SRCIN1: variants seen among roughly 807,000 people sequenced by gnomAD.
SRCIN1 encodes the protein P130Cas-associated protein.
SRCIN1 carries 50 observed loss-of-function variants against 116.2 expected under a neutral mutation model. The ratio of observed to expected loss-of-function variants is 0.43; its 90% CI spans 0.34 to 0.54. The LOEUF (loss-of-function observed/expected upper bound fraction) is 0.54, where lower values mean the gene tolerates loss of function less well. Among genes scored for constraint, SRCIN1 ranks in the 20% least tolerant of loss-of-function variants. SRCIN1 has a pLI of 0.02. For missense variants in SRCIN1, 1,446 were observed against 1,672.0 expected (o/e 0.86, Z 2.36); for synonymous variants, 736 against 750.0 (o/e 0.98, Z 0.30).
chr17:38,580,853 G>T (rs974596048), intron 1 of SRCIN1, among the ~76,000 whole-genome samples: 14 of 152,046 alleles, frequency 9.2e-5, no homozygotes, highest in Non-Finnish European at 1.8e-4. Flanking sequence ...CTTTTTCTGG[G>T]GGGACAGGGT....
intron 17 of SRCIN1, among the ~76,000 whole-genome samples, chr17:38,546,161 G>C (rs1216901644): frequency 6.6e-6 from 1 of 152,224 alleles, no homozygotes; most frequent in Non-Finnish European, 1.5e-5. Flanking sequence ...AGTGAATCCT[G>C]GTCTAACTCT....
chr17:38,550,304 C>T (rs561412780), intron 15 of SRCIN1, among the ~76,000 whole-genome samples: 60 of 152,168 alleles, frequency 3.9e-4, no homozygotes, highest in African/African-American at 1.3e-3. Flanking sequence ...ACCATCCTGG[C>T]TAACACGGTG....
intron 2 of SRCIN1, among the ~76,000 whole-genome samples, chr17:38,570,805 C>G (rs1316431684): frequency 6.6e-6 from 1 of 152,214 alleles, no homozygotes; most frequent in African/African-American, 2.4e-5. Flanking sequence ...AGGGAGAGGA[C>G]TGGGTGGCAT....
chr17:38,605,604 G>A, intron 1 of SRCIN1, 80 bp downstream of exon 1: 2 of 1,228,666 alleles, frequency 1.6e-6, no homozygotes, highest in Non-Finnish European at 2.1e-6. Flanking sequence ...CCGGCCGAGG[G>A]GGAAAACACA....
intron 7 of SRCIN1, among the ~76,000 whole-genome samples, chr17:38,560,760 G>A (rs1246437276): frequency 1.3e-5 from 2 of 152,212 alleles, no homozygotes; most frequent in Non-Finnish European, 2.9e-5. Context: ...AAGGGAAGTG[G>A]AGGTATGCTG....
rs1906408076 is a variant in SRCIN1 at position 38,563,273 on chromosome 17, G to A, written c.740+50C>T. ...GGCCGGCGGGGTCCAGCACCCTGCA[G>A]AGGAGGAGCGTGGGGAAGCCCACCC... On this transcript the variant is annotated intron_variant, in intron 5 of 18. Coordinates refer to ENST00000617146, the MANE Select transcript of SRCIN1 (RefSeq NM_025248.3). This position sits in a 1 kb window ranked among gnomAD's most constrained non-coding sequence, Gnocchi z 5.8. 2 of 1,547,046 alleles carry A rather than the reference G, an allele frequency of 1.3e-6. No homozygotes were observed. Among genetic ancestry groups the A allele is most frequent in the Admixed American group, 3.9e-5 (2 of 51,148 alleles).
rs1016056412 is a variant in SRCIN1 at position 38,585,407 on chromosome 17, T to A, written c.23-6616A>T. Among the ~76,000 whole-genome samples, 1 of 152,218 alleles carries A rather than the reference T, an allele frequency of 6.6e-6. No homozygotes were observed. The highest frequency in any genetic ancestry group is 1.5e-5 in the Non-Finnish European group (1 of 68,044). On this transcript the variant is annotated intron_variant, in intron 1 of 18. Coordinates refer to ENST00000617146, the MANE Select transcript of SRCIN1 (RefSeq NM_025248.3). The surrounding 1 kb of genome is among the most constrained non-coding windows in gnomAD (Gnocchi z 4.2). ...TGATGACTCCATCCTGCTGGGTGCC[T>A]GCTGCAGTCGGGAAGCACACGGTGT...
At position 38,578,613 on chromosome 17, in the gene SRCIN1, C is replaced by T. The variant is rs1051123653; in HGVS notation, c.201G>A (p.Ala67=). Residue 67 remains alanine, a synonymous_variant, in exon 2 of 19, where the codon GCG becomes GCA. Coordinates refer to ENST00000617146, the MANE Select transcript of SRCIN1 (RefSeq NM_025248.3). ...CGTCCGCCTTCTGGAGCCCGCTGAG[C>T]GCCTCCAGACTCTGGGCCGCGATCA... is the stretch of plus-strand genomic sequence containing the variant. ...HTVIAAQSLE[A]LSGLQKADAD... The T allele has an allele frequency of 6.2e-7, 1 of 1,609,412 alleles. No homozygotes were observed.
At chr17:38,554,821 A>G (rs1303987462) in intron 11 of SRCIN1, among the ~76,000 whole-genome samples, 1 of 152,162 alleles carries the variant, frequency 6.6e-6, no homozygotes, top group Non-Finnish European at 1.5e-5. Context: ...GACTTTATAT[A>G]TATTCCTGTC....
chr17:38,583,417 C>T (rs955874221), intron 1 of SRCIN1, among the ~76,000 whole-genome samples: 1 of 152,158 alleles, frequency 6.6e-6, no homozygotes, highest in African/African-American at 2.4e-5. Context: ...CAAATATCTT[C>T]CCTCTCTGAG....
chr17:38,533,055 A>G lies in SRCIN1; in HGVS notation c.*242T>C, dbSNP rs1377721275. The G allele has an allele frequency of 2.6e-5, 9 of 350,260 alleles. No homozygotes were observed. Among genetic ancestry groups the G allele is most frequent in the African/African-American group, 4.4e-5 (2 of 45,168 alleles). 21.7% of individuals were successfully genotyped at this position (350,260 alleles called of 1,614,324 possible). On this transcript the variant is annotated 3_prime_UTR_variant, in exon 19 of 19. Transcript: ENST00000617146. Reference sequence around the variant, plus strand: ...AAGGAAGGTGGTGTGTTTGGTTTTTAGTTTTACTGTTTAAAAAAAGATAAT... The same window carrying G: ...AAGGAAGGTGGTGTGTTTGGTTTTTGGTTTTACTGTTTAAAAAAAGATAAT...
chr17:38,540,196 A>G (rs961582668), intron 18 of SRCIN1, among the ~76,000 whole-genome samples: 10 of 151,966 alleles, frequency 6.6e-5, no homozygotes, highest in African/African-American at 2.4e-4. Flanking sequence ...CTGGGATCTT[A>G]AGCACAACAT....
intron 2 of SRCIN1, among the ~76,000 whole-genome samples, chr17:38,578,288 C>G (rs1366781501): frequency 6.6e-6 from 1 of 152,218 alleles, no homozygotes; most frequent in East Asian, 1.9e-4. Flanking sequence ...CCCCCACCCC[C>G]TTCCTCCCCA....
chr17:38,554,253 T>A (rs996012372), intron 11 of SRCIN1, among the ~76,000 whole-genome samples: 3 of 149,240 alleles, frequency 2.0e-5, no homozygotes, highest in Non-Finnish European at 4.5e-5. Context: ...GGCCATCAGG[T>A]GGATTGGATG....
At chr17:38,588,701 A>G (rs1333468607) in intron 1 of SRCIN1, among the ~76,000 whole-genome samples, 1 of 152,134 alleles carries the variant, frequency 6.6e-6, no homozygotes, top group Non-Finnish European at 1.5e-5. Context: ...GCCCAGGGGG[A>G]AGCATATTGT....
rs115656100 is a variant in SRCIN1, at chr17:38,547,945, C to T, written c.3270+612G>A. 9.0e-3 allele frequency: 1,787 copies of T among 199,406 alleles called. 41 individuals are homozygous for T. The highest frequency in any genetic ancestry group is 0.04 in the African/African-American group (1,672 of 41,626). The allele number at this position is 199,406 out of a possible 1,614,324, so 12.4% of individuals were successfully genotyped here. A position where few individuals can be genotyped will look rare whatever the true frequency, so the allele number is the denominator to read the frequency against. ...GCACTAGGGAGGATGGGGGTGCTGG[C>T]CTGTGGCCCCGGCACCCTTGGGGAG... is the stretch of plus-strand genomic sequence containing the variant. On this transcript the variant is annotated intron_variant, in intron 17 of 18. Coordinates refer to ENST00000617146, the MANE Select transcript of SRCIN1 (RefSeq NM_025248.3).
At chr17:38,541,037 A>G (rs1904704900) in intron 18 of SRCIN1, among the ~76,000 whole-genome samples, 1 of 152,036 alleles carries the variant, frequency 6.6e-6, no homozygotes, top group Non-Finnish European at 1.5e-5. Flanking sequence ...CAGGAGTTCA[A>G]GACCAGTCTG....
At position 38,605,681 on chromosome 17, in the gene SRCIN1, T is replaced by A; in HGVS notation, c.22+3A>T. The A allele has an allele frequency of 7.0e-6, 9 of 1,280,952 alleles. No individual in the cohort carries two copies. Among genetic ancestry groups the A allele is most frequent in the Non-Finnish European group, 9.0e-6 (9 of 1,002,732 alleles). The allele number at this position is 1,280,952 out of a possible 1,614,324, so 79.3% of individuals were successfully genotyped here. ...ATTAGGGAGGAGAGAGACAGGGACATGCCTTGGGACGGAGCGTTCCCCATC... is the reference window on the plus strand; with the variant it reads ...ATTAGGGAGGAGAGAGACAGGGACAAGCCTTGGGACGGAGCGTTCCCCATC... On this transcript the variant is annotated splice_donor_region_variant and intron_variant, in intron 1 of 18. Coordinates refer to ENST00000617146, the MANE Select transcript of SRCIN1 (RefSeq NM_025248.3).
At chr17:38,566,068 G>A (rs1906661989) in intron 3 of SRCIN1, among the ~76,000 whole-genome samples, 1 of 152,168 alleles carries the variant, frequency 6.6e-6, no homozygotes, top group South Asian at 2.1e-4. Flanking sequence ...CAACTAAAAG[G>A]TCAGTGGTTG....
Sources: allele counts gnomAD v4.1 joint callset (sites outside exome capture counted in the v4.1 genomes callset), GRCh38; gene constraint gnomAD v4.1.1; non-coding constraint Gnocchi (gnomAD v3.1); transcripts MANE v1.5; gene names NCBI Gene and HGNC (gene_info 2026-07-23, HGNC 2026-07-21).